The following RPL37 variants were observed in gnomAD, a reference collection of about 807,000 sequenced individuals.
The protein encoded by RPL37 is ribosomal protein L37, also known as large ribosomal subunit protein eL37.
A neutral mutation model predicts 14.8 loss-of-function variants in RPL37; 1 was observed. The ratio of observed to expected loss-of-function variants is 0.07; its 90% confidence interval spans 0.02 to 0.32. The LOEUF (loss-of-function observed/expected upper bound fraction) is 0.32, where lower values mean the gene tolerates loss of function less well. RPL37 is among the 10% of genes least tolerant of loss of function. RPL37 has a pLI of 1.00. For synonymous variants in RPL37, 53 were observed against 45.8 expected (o/e 1.16, Z -0.63); for missense variants, 100 against 128.3 (o/e 0.78, Z 1.06).
rs1323114669 is a variant in RPL37 at position 40,834,505 on chromosome 5, G to A, written c.105C>T (p.Gly35=). 4 of 1,613,996 alleles carry A rather than the reference G, an allele frequency of 2.5e-6. No homozygotes were observed. The highest frequency in any genetic ancestry group is 2.5e-6 in the Non-Finnish European group (3 of 1,180,012). ...TGCGCTTGGCAGGGTAGCCACATTT[G>A]CCACAGGTCGACTTCTGAAGGTGGT... is the stretch of plus-strand genomic sequence containing the variant. ...KAYHLQKSTC[G]KCGYPAKRKR... Residue 35 remains glycine, a synonymous_variant, in exon 2 of 4, where the codon GGC becomes GGT. Coordinates refer to ENST00000274242, the MANE Select transcript of RPL37 (RefSeq NM_000997.5).
rs1387648121 is a variant in RPL37 at position 40,831,502 on chromosome 5, G to C, written c.*1002C>G. On this transcript the variant is annotated 3_prime_UTR_variant, in exon 4 of 4. Coordinates refer to ENST00000274242, the MANE Select transcript of RPL37 (RefSeq NM_000997.5). ...AAAAGTGATACCCTTCCAAGGCCAG[G>C]TTAAGAACCTCAGATGTTATTCTAA... 1.3e-5 allele frequency: 2 copies of C among 152,282 alleles called. No homozygotes were observed. The highest frequency in any genetic ancestry group is 4.8e-5 in the African/African-American group (2 of 41,426). 9.4% of individuals were successfully genotyped at this position (152,282 alleles called of 1,614,324 possible). A position where few individuals can be genotyped will look rare whatever the true frequency, so the allele number is the denominator to read the frequency against.
chr5:40,834,700 C>T, intron 1 of RPL37, 94 bp from the exon 2 acceptor site: 1 of 1,415,068 alleles, frequency 7.1e-7, no homozygotes, highest in Middle Eastern at 1.8e-4. Flanking sequence ...AATTTAAAGG[C>T]AATCGTAAAG....
rs1291495998 is a variant in RPL37, at chr5:40,826,705, G to A, written c.*5799C>T. 1 of 152,182 alleles carries A rather than the reference G, an allele frequency of 6.6e-6. No homozygotes were observed. The highest frequency in any genetic ancestry group is 6.5e-5 in the Admixed American group (1 of 15,268). 9.4% of individuals were successfully genotyped at this position (152,182 alleles called of 1,614,324 possible). A position where few individuals can be genotyped will look rare whatever the true frequency, so the allele number is the denominator to read the frequency against. On this transcript the variant is annotated 3_prime_UTR_variant, in exon 4 of 4. Coordinates refer to ENST00000274242, the MANE Select transcript of RPL37 (RefSeq NM_000997.5). ...CTGAGGACCAGATGTGTGACACTCA[G>A]GAGAGAGCCGGCATAAAATAGCCCC...
chr5:40,826,904 A>T lies in RPL37; in HGVS notation c.*5600T>A, dbSNP rs1399993973. 1 of 152,266 alleles carries T rather than the reference A, an allele frequency of 6.6e-6. No individual in the cohort carries two copies. Among genetic ancestry groups the T allele is most frequent in the East Asian group, 1.9e-4 (1 of 5,200 alleles). The allele number at this position is 152,266 out of a possible 1,614,324, so 9.4% of individuals were successfully genotyped here. A position where few individuals can be genotyped will look rare whatever the true frequency, so the allele number is the denominator to read the frequency against. ...GCAATCCTTCCACCTCAGCTCCCTG[A>T]GTAGCTGGGACTACAGGCACATACC... On this transcript the variant is annotated 3_prime_UTR_variant, in exon 4 of 4. Coordinates refer to ENST00000274242, the MANE Select transcript of RPL37 (RefSeq NM_000997.5).
rs1475145304 is a variant in RPL37, at chr5:40,826,308, CAT to C, written c.*6194_*6195del. The C allele has an allele frequency of 6.6e-6, 1 of 152,086 alleles. No homozygotes were observed. The highest frequency in any genetic ancestry group is 1.5e-5 in the Non-Finnish European group (1 of 68,014). 9.4% of individuals were successfully genotyped at this position (152,086 alleles called of 1,614,324 possible). On this transcript the variant is annotated 3_prime_UTR_variant, in exon 4 of 4. Transcript: ENST00000274242. The stretch of plus-strand genomic sequence containing the variant: ...ACACACACACACAACCCAAAGAAAA[CAT>C]ATCCAAGAACGTGGTCAGTTTTCAG...
chr5:40,826,383 T>C lies in RPL37; in HGVS notation c.*6121A>G, dbSNP rs539069135. ...TATTTTTTATATCCCAGCCCTCCCA[T>C]GTAAGACTGGTCATTTTTTAGAATC... On this transcript the variant is annotated 3_prime_UTR_variant, in exon 4 of 4. Coordinates refer to ENST00000274242, the MANE Select transcript of RPL37 (RefSeq NM_000997.5). 2 of 152,288 alleles carry C rather than the reference T, an allele frequency of 1.3e-5. No individual in the cohort carries two copies. The highest frequency in any genetic ancestry group is 6.5e-5 in the Admixed American group (1 of 15,294). 9.4% of individuals were successfully genotyped at this position (152,288 alleles called of 1,614,324 possible). A position where few individuals can be genotyped will look rare whatever the true frequency, so the allele number is the denominator to read the frequency against.
chr5:40,834,878 C>T, intron 1 of RPL37: 1 of 606,110 alleles, frequency 1.6e-6, no homozygotes, highest in South Asian at 2.0e-5. Context: ...CATTGTTACA[C>T]AGAGCCAAAC....
Position 40,834,499 on chromosome 5 carries a change from A to G in RPL37, c.111T>C (p.Cys37=), listed in dbSNP as rs780131929. 8.2e-5 allele frequency: 133 copies of G among 1,613,952 alleles called. No individual in the cohort carries two copies. Among genetic ancestry groups the G allele is most frequent in the Non-Finnish European group, 1.1e-4 (128 of 1,179,982 alleles). Residue 37 remains cysteine (C), a synonymous_variant, in exon 2 of 4, where the codon TGT becomes TGC. Transcript: ENST00000274242. Reference sequence around the variant, plus strand: ...TTCTCTTGCGCTTGGCAGGGTAGCCACATTTGCCACAGGTCGACTTCTGAA... The same window carrying G: ...TTCTCTTGCGCTTGGCAGGGTAGCCGCATTTGCCACAGGTCGACTTCTGAA... ...YHLQKSTCGK[C]GYPAKRKRKY...
rs138934375 is a variant in RPL37, at chr5:40,831,499, C to T, written c.*1005G>A. ...AGTAAAAGTGATACCCTTCCAAGGC[C>T]AGGTTAAGAACCTCAGATGTTATTC... On this transcript the variant is annotated 3_prime_UTR_variant, in exon 4 of 4. Coordinates refer to ENST00000274242, the MANE Select transcript of RPL37 (RefSeq NM_000997.5). 38 of 152,306 alleles carry T rather than the reference C, an allele frequency of 2.5e-4. No individual in the cohort carries two copies. The highest frequency in any genetic ancestry group is 8.9e-4 in the African/African-American group (37 of 41,522). The allele number at this position is 152,306 out of a possible 1,614,324, so 9.4% of individuals were successfully genotyped here. A position where few individuals can be genotyped will look rare whatever the true frequency, so the allele number is the denominator to read the frequency against.
In RPL37 at chr5:40,832,529, G is replaced by C. The variant is rs988893029; in HGVS notation, c.269C>G (p.Ala90Gly). 1 of 1,613,892 alleles carries C rather than the reference G, an allele frequency of 6.2e-7. No homozygotes were observed. Among genetic ancestry groups the C allele is most frequent in the Admixed American group, 1.7e-5 (1 of 60,022 alleles). The change falls in exon 4 of 4, where the codon GCT becomes GGT. Residue 90 changes from alanine to glycine, a missense_variant. Coordinates refer to ENST00000274242, the MANE Select transcript of RPL37 (RefSeq NM_000997.5). ...EGTTPKPKRA[A>G]VAASSSS The stretch of plus-strand genomic sequence containing the variant: ...TTAAGATGAACTGGATGCTGCAACA[G>C]CTGCCCTCTTGGGTTTAGGTGTTGT...
In RPL37 at chr5:40,831,460, CA is replaced by C. The variant is rs1728270898; in HGVS notation, c.*1043del. ...GCAATTAGCTAGCACATTATAAAGC[CA>C]TTCCAGGTTACAAGTAAAAGTGATA... On this transcript the variant is annotated 3_prime_UTR_variant, in exon 4 of 4. Coordinates refer to ENST00000274242, the MANE Select transcript of RPL37 (RefSeq NM_000997.5). 1 of 152,420 alleles carries C rather than the reference CA, an allele frequency of 6.6e-6. No individual in the cohort carries two copies. Among genetic ancestry groups the C allele is most frequent in the Admixed American group, 6.5e-5 (1 of 15,294 alleles). The allele number at this position is 152,420 out of a possible 1,614,324, so 9.4% of individuals were successfully genotyped here. A position where few individuals can be genotyped will look rare whatever the true frequency, so the allele number is the denominator to read the frequency against.
chr5:40,825,284 T>TA lies in RPL37; in HGVS notation c.*7219dup, dbSNP rs1745487442. 6.6e-6 allele frequency: 1 copy of TA among 152,214 alleles called. No homozygotes were observed. Among genetic ancestry groups the TA allele is most frequent in the African/African-American group, 2.4e-5 (1 of 41,460 alleles). The allele number at this position is 152,214 out of a possible 1,614,324, so 9.4% of individuals were successfully genotyped here. The stretch of plus-strand genomic sequence containing the variant: ...GTATTTCATTGTACAATATCTTTAT[T>TA]AAAGAAATGCATTCCAGCAACACTG... On this transcript the variant is annotated 3_prime_UTR_variant, in exon 4 of 4. Coordinates refer to ENST00000274242, the MANE Select transcript of RPL37 (RefSeq NM_000997.5).
At position 40,834,245 on chromosome 5, in the gene RPL37, T is replaced by C. The variant is rs954361603; in HGVS notation, c.160A>G (p.Lys54Glu). 2 of 1,614,194 alleles carry C rather than the reference T, an allele frequency of 1.2e-6. No homozygotes were observed. The highest frequency in any genetic ancestry group is 1.7e-6 in the Non-Finnish European group (2 of 1,179,990). The change falls in exon 3 of 4, where the codon AAA (lysine) becomes GAA (glutamate). Residue 54 changes from lysine (K) to glutamate (E), a missense_variant. By Grantham distance (56) the Lys-to-Glu change is moderately conservative. Coordinates refer to ENST00000274242, the MANE Select transcript of RPL37 (RefSeq NM_000997.5). Reference protein sequence around the residue: ...KRKYNWSAKAKRRNTTGTGRM... With the variant: ...KRKYNWSAKAERRNTTGTGRM... ...CCAGTTCCGGTGGTATTTCGTCTTT[T>C]AGCCTTGGCACTCCAGTTATCTAAA...
chr5:40,834,132 T>A, intron 3 of RPL37, 49 bp downstream of exon 3: 1 of 1,270,790 alleles, frequency 7.9e-7, no homozygotes, highest in South Asian at 1.2e-5. Flanking sequence ...AACACGAGGG[T>A]TTCATTCAAG....
chr5:40,832,559 T>C lies in RPL37; in HGVS notation c.239A>G (p.Glu80Gly), dbSNP rs765829234. 6.2e-6 allele frequency: 10 copies of C among 1,613,854 alleles called. No individual in the cohort carries two copies. The highest frequency in any genetic ancestry group is 7.6e-6 in the Non-Finnish European group (9 of 1,179,860). Residue 80 changes from glutamate (E) to glycine (G), a missense_variant, in exon 4 of 4, where the codon GAA (glutamate) becomes GGA (glycine). Physicochemically the swap from Glu to Gly is moderately conservative, Grantham distance 98. Coordinates refer to ENST00000274242, the MANE Select transcript of RPL37 (RefSeq NM_000997.5). ...VYRRFRHGFR[E>G]GTTPKPKRAA... is the part of the protein sequence containing the mutation. ...CCTCTTGGGTTTAGGTGTTGTTCCT[T>C]CACGGAATCCATGCCTGCAGGATGT...
chr5:40,830,912 G>C lies in RPL37; in HGVS notation c.*1592C>G, dbSNP rs964275247. 9 of 151,976 alleles carry C rather than the reference G, an allele frequency of 5.9e-5. No individual in the cohort carries two copies. The highest frequency in any genetic ancestry group is 5.9e-4 in the Admixed American group (9 of 15,242). The allele number at this position is 151,976 out of a possible 1,614,324, so 9.4% of individuals were successfully genotyped here. A position where few individuals can be genotyped will look rare whatever the true frequency, so the allele number is the denominator to read the frequency against. Reference sequence around the variant, plus strand: ...CCACAGCAACTCAGCTGTCTTTCAAGGTCATTGTTCAATCTTCAACAGACT... The same window carrying C: ...CCACAGCAACTCAGCTGTCTTTCAACGTCATTGTTCAATCTTCAACAGACT... On this transcript the variant is annotated 3_prime_UTR_variant, in exon 4 of 4. Coordinates refer to ENST00000274242, the MANE Select transcript of RPL37 (RefSeq NM_000997.5).
At chr5:40,833,487 C>A (rs1349703859) in intron 3 of RPL37, among the ~76,000 whole-genome samples, 2 of 152,130 alleles carry the variant, frequency 1.3e-5, no homozygotes, top group South Asian at 4.1e-4. Context: ...AAGTCTACGG[C>A]GGAGCTGAGA....
Position 40,832,168 on chromosome 5 carries a change from T to A in RPL37, c.*336A>T, listed in dbSNP as rs534172701. ...GCTAAAGGTAATTTAAACATCATACTCTTTCAAATTTACTCAAACATCTAA... is the reference window on the plus strand; with the variant it reads ...GCTAAAGGTAATTTAAACATCATACACTTTCAAATTTACTCAAACATCTAA... On this transcript the variant is annotated 3_prime_UTR_variant, in exon 4 of 4. Coordinates refer to ENST00000274242, the MANE Select transcript of RPL37 (RefSeq NM_000997.5). 3.6e-6 allele frequency: 1 copy of A among 275,512 alleles called. No homozygotes were observed. The highest frequency in any genetic ancestry group is 4.4e-5 in the South Asian group (1 of 22,916). 17.1% of individuals were successfully genotyped at this position (275,512 alleles called of 1,614,324 possible). A position where few individuals can be genotyped will look rare whatever the true frequency, so the allele number is the denominator to read the frequency against.
intron 2 of RPL37, 92 bp from the exon 3 acceptor site, chr5:40,834,357 G>A: frequency 6.4e-7 from 1 of 1,558,596 alleles, no homozygotes; most frequent in South Asian, 1.1e-5. Flanking sequence ...CACCTCATCG[G>A]CATACAGATG....
Sources: allele counts gnomAD v4.1 joint callset (sites outside exome capture counted in the v4.1 genomes callset), GRCh38; gene constraint gnomAD v4.1.1; transcripts MANE v1.5; gene names NCBI Gene and HGNC (gene_info 2026-07-23, HGNC 2026-07-21).